The following ROBO2 variants were observed in gnomAD, a reference collection of about 807,000 sequenced individuals.
ROBO2 encodes the protein roundabout homolog 2.
In ROBO2, 53 loss-of-function variants were observed where a neutral mutation model predicts 160.8. The ratio of observed to expected loss-of-function variants is 0.33; its 90% confidence interval spans 0.26 to 0.41. The LOEUF (loss-of-function observed/expected upper bound fraction) is 0.41, where lower values mean the gene tolerates loss of function less well. Among genes scored for constraint, ROBO2 ranks in the 10% least tolerant of loss-of-function variants. The probability of loss-of-function intolerance (pLI) is 1.00; values close to 1 mark genes in which losing one functional copy is unlikely to be tolerated. For synonymous variants in ROBO2, 664 were observed against 611.7 expected (o/e 1.09, Z -1.26); for missense variants, 1,577 against 1,722.4 (o/e 0.92, Z 1.49).
intron 2 of ROBO2, among the ~76,000 whole-genome samples, chr3:76,303,971 A>G (rs2071197454): frequency 6.6e-6 from 1 of 152,208 alleles, no homozygotes; most frequent in South Asian, 2.1e-4. Flanking sequence ...TGGCAAAGGA[A>G]AAAGGAATAA....
At chr3:77,163,325 A>G (rs1353431220) in intron 2 of ROBO2, among the ~76,000 whole-genome samples, 2 of 152,220 alleles carry the variant, frequency 1.3e-5, no homozygotes, top group Non-Finnish European at 1.5e-5. Flanking sequence ...AGATTTTACA[A>G]AAGTTATTTT....
At chr3:77,584,748 C>A (rs907759600) in intron 16 of ROBO2, among the ~76,000 whole-genome samples, 1 of 151,740 alleles carries the variant, frequency 6.6e-6, no homozygotes, top group Admixed American at 6.6e-5. Flanking sequence ...ACAATCTTGT[C>A]CTTCTGAGAT....
intron 2 of ROBO2, among the ~76,000 whole-genome samples, chr3:77,412,464 C>G (rs2076880591): frequency 6.6e-6 from 1 of 152,206 alleles, no homozygotes; most frequent in Non-Finnish European, 1.5e-5. Context: ...CCCCTCTGTC[C>G]TCAAGATCTA....
intron 2 of ROBO2, among the ~76,000 whole-genome samples, chr3:76,032,431 T>C (rs1234431809): frequency 6.6e-6 from 1 of 152,164 alleles, no homozygotes; most frequent in Non-Finnish European, 1.5e-5. Flanking sequence ...CTTCTCTAGT[T>C]CTTTTAATTG....
intron 2 of ROBO2, among the ~76,000 whole-genome samples, chr3:76,686,853 C>T (rs1365804589): frequency 6.6e-6 from 1 of 152,002 alleles, no homozygotes; most frequent in Non-Finnish European, 1.5e-5. Flanking sequence ...AAAGCTACAG[C>T]TATGTCATTG....
At chr3:76,071,025 A>C (rs2068436841) in intron 2 of ROBO2, among the ~76,000 whole-genome samples, 2 of 152,214 alleles carry the variant, frequency 1.3e-5, no homozygotes, top group Admixed American at 6.5e-5. Context: ...TTTATGATTC[A>C]TAATTTCTAC....
chr3:77,160,369 T>C (rs1285244007), intron 2 of ROBO2, among the ~76,000 whole-genome samples: 1 of 152,152 alleles, frequency 6.6e-6, no homozygotes, highest in Non-Finnish European at 1.5e-5. Flanking sequence ...TGGAAAATAC[T>C]TTTTTCTTAC....
chr3:76,496,054 C>T (rs2080130669), intron 2 of ROBO2, among the ~76,000 whole-genome samples: 2 of 152,166 alleles, frequency 1.3e-5, no homozygotes, highest in Admixed American at 1.3e-4. Context: ...TGTTGCATGA[C>T]TGAGCAAACT....
chr3:76,876,784 A>G (rs2072778622), intron 2 of ROBO2, among the ~76,000 whole-genome samples: 1 of 152,224 alleles, frequency 6.6e-6, no homozygotes, highest in African/African-American at 2.4e-5. Context: ...GTGTTTAACA[A>G]AATAAGACCC....
chr3:76,085,870 C>T (rs759141548), intron 2 of ROBO2, among the ~76,000 whole-genome samples: 17 of 152,150 alleles, frequency 1.1e-4, no homozygotes, highest in Non-Finnish European at 2.5e-4. Context: ...AAGAACTCTA[C>T]CAGTTCCTCA....
intron 2 of ROBO2, among the ~76,000 whole-genome samples, chr3:77,013,128 C>G (rs2062017126): frequency 6.6e-6 from 1 of 152,026 alleles, no homozygotes; most frequent in African/African-American, 2.4e-5. Context: ...TAGCTTTAAG[C>G]ATTAGCCAAT....
At chr3:76,785,270 A>G (rs780918270) in intron 2 of ROBO2, among the ~76,000 whole-genome samples, 7 of 151,190 alleles carry the variant, frequency 4.6e-5, no homozygotes, top group Non-Finnish European at 8.9e-5. Flanking sequence ...TTGGCATGGT[A>G]TGGTATAACA....
At chr3:76,604,486 A>G (rs1274685228) in intron 2 of ROBO2, among the ~76,000 whole-genome samples, 3 of 152,076 alleles carry the variant, frequency 2.0e-5, no homozygotes, top group African/African-American at 7.2e-5. Context: ...TTTTTACCTC[A>G]TTTCTCACCT....
At chr3:76,380,008 T>G (rs573452329) in intron 2 of ROBO2, among the ~76,000 whole-genome samples, 1 of 152,120 alleles carries the variant, frequency 6.6e-6, no homozygotes, top group African/African-American at 2.4e-5. Flanking sequence ...TAGATAGTTG[T>G]ACCTTGTTTC....
chr3:76,086,418 AG>A, intron 2 of ROBO2, among the ~76,000 whole-genome samples: 1 of 152,222 alleles, frequency 6.6e-6, no homozygotes, highest in South Asian at 2.1e-4. Flanking sequence ...GTGGGGACAC[AG>A]CCAAACCATA....
At chr3:76,643,992 CT>C (rs2090837970) in intron 2 of ROBO2, among the ~76,000 whole-genome samples, 1 of 152,136 alleles carries the variant, frequency 6.6e-6, no homozygotes, top group South Asian at 2.1e-4. Flanking sequence ...ATTTATCAAA[CT>C]TTTTTGTCAT....
At chr3:77,325,833 G>A (rs183023295) in intron 2 of ROBO2, among the ~76,000 whole-genome samples, 43 of 152,100 alleles carry the variant, frequency 2.8e-4, no homozygotes, top group African/African-American at 9.6e-4. Flanking sequence ...GTATTATTTT[G>A]ATCCTCATTT....
intron 2 of ROBO2, among the ~76,000 whole-genome samples, chr3:77,218,534 G>A (rs563532046): frequency 1.6e-4 from 24 of 152,030 alleles, no homozygotes; most frequent in Middle Eastern, 6.8e-3. Flanking sequence ...AAGCATGCCT[G>A]GCTAATTTTT....
chr3:76,902,139 C>T (rs117514765), intron 2 of ROBO2, among the ~76,000 whole-genome samples: 2,073 of 151,960 alleles, frequency 0.014, 51 homozygotes, highest in East Asian at 0.12. Context: ...AAAAGCTACA[C>T]GATATTATAT....
Sources: allele counts gnomAD v4.1 joint callset (sites outside exome capture counted in the v4.1 genomes callset), GRCh38; gene constraint gnomAD v4.1.1; transcripts MANE v1.5; gene names NCBI Gene and HGNC (gene_info 2026-07-23, HGNC 2026-07-21).